TNR: variants seen among roughly 807,000 people sequenced by gnomAD.
TNR encodes tenascin R.
Under a neutral mutation model 150.4 loss-of-function variants are expected in TNR, and 45 were observed. The ratio of observed to expected loss-of-function variants is 0.30; its 90% CI spans 0.24 to 0.38. TNR has a LOEUF of 0.38. Ranked by LOEUF, TNR falls within the 10% of genes least tolerant of loss-of-function variation. The probability of loss-of-function intolerance (pLI) is 1.00; values close to 1 mark genes in which losing one functional copy is unlikely to be tolerated. For missense variants in TNR, 1,544 were observed against 1,759.1 expected, an observed-to-expected ratio of 0.88 and a Z score of 2.19; for synonymous variants, 687 against 678.4, an observed-to-expected ratio of 1.01 and a Z score of -0.20.
At chr1:175,411,606 T>C (rs1008400230) in intron 2 of TNR, among the ~76,000 whole-genome samples, 6 of 151,594 alleles carry the variant, frequency 4.0e-5, no homozygotes, top group Non-Finnish European at 7.4e-5. Flanking sequence ...GCCATTCCTC[T>C]GCTTGTAGGT....
At chr1:175,708,950 A>T in intron 1 of TNR, among the ~76,000 whole-genome samples, 1 of 152,096 alleles carries the variant, frequency 6.6e-6, no homozygotes. Flanking sequence ...AGATATAAAC[A>T]AATATCTCAT....
At chr1:175,726,596 C>T (rs1488202208) in intron 1 of TNR, among the ~76,000 whole-genome samples, 1 of 152,232 alleles carries the variant, frequency 6.6e-6, no homozygotes, top group Non-Finnish European at 1.5e-5. Context: ...GCAGAATATA[C>T]TCTGTGACTA....
At chr1:175,578,494 G>A (rs909028671) in intron 1 of TNR, among the ~76,000 whole-genome samples, 6 of 152,110 alleles carry the variant, frequency 3.9e-5, no homozygotes, top group Non-Finnish European at 8.8e-5. Context: ...ATAGCTCAGT[G>A]GATAGAATAT....
chr1:175,511,682 C>T (rs1344338804), intron 2 of TNR, among the ~76,000 whole-genome samples: 1 of 152,170 alleles, frequency 6.6e-6, no homozygotes, highest in South Asian at 2.1e-4. Flanking sequence ...AGAAGCCCTG[C>T]CTGAAAGGGA....
At chr1:175,638,043 T>C (rs557539398) in intron 1 of TNR, among the ~76,000 whole-genome samples, 2 of 152,264 alleles carry the variant, frequency 1.3e-5, no homozygotes, top group South Asian at 4.1e-4. Context: ...CATAGAAGCA[T>C]CTAGTTGCTC....
chr1:175,521,951 G>T (rs967823303), intron 2 of TNR, among the ~76,000 whole-genome samples: 21 of 152,190 alleles, frequency 1.4e-4, no homozygotes, highest in African/African-American at 5.1e-4. Context: ...TTAGCCCCTG[G>T]AGTGCAGCAA....
intron 1 of TNR, among the ~76,000 whole-genome samples, chr1:175,547,301 C>T (rs1180835422): frequency 6.6e-6 from 1 of 152,042 alleles, no homozygotes; most frequent in Non-Finnish European, 1.5e-5. Context: ...CCTGAAATCC[C>T]TTTTATGTGG....
intron 1 of TNR, among the ~76,000 whole-genome samples, chr1:175,536,114 A>G (rs1052694579): frequency 6.6e-6 from 1 of 152,268 alleles, no homozygotes; most frequent in African/African-American, 2.4e-5. Context: ...ATATATTACT[A>G]TACCACAAAT....
intron 1 of TNR, among the ~76,000 whole-genome samples, chr1:175,591,070 CT>C (rs1294127408): frequency 6.6e-6 from 1 of 152,186 alleles, no homozygotes; most frequent in Non-Finnish European, 1.5e-5. Context: ...GAAGAAATAG[CT>C]TTTAGGCTTA....
At chr1:175,498,984 A>G (rs1658609118) in intron 2 of TNR, among the ~76,000 whole-genome samples, 1 of 152,260 alleles carries the variant, frequency 6.6e-6, no homozygotes, top group Non-Finnish European at 1.5e-5. Context: ...TCATTTGGTC[A>G]TACTTAAAAA....
At chr1:175,547,593 GAA>G (rs869095720) in intron 1 of TNR, among the ~76,000 whole-genome samples, 2,332 of 26,394 alleles carry the variant, frequency 0.088, 65 homozygotes, top group African/African-American at 0.15. Flanking sequence ...AAGAAAGAAA[GAA>G]AGAAAGAAAG....
intron 1 of TNR, among the ~76,000 whole-genome samples, chr1:175,531,418 T>C (rs1660060591): frequency 6.6e-6 from 1 of 152,216 alleles, no homozygotes; most frequent in Admixed American, 6.5e-5. Context: ...ACAGCCATTC[T>C]TGAAGCTGAT....
At chr1:175,446,435 G>A (rs1315910132) in intron 2 of TNR, among the ~76,000 whole-genome samples, 1 of 152,106 alleles carries the variant, frequency 6.6e-6, no homozygotes, top group Admixed American at 6.6e-5. Context: ...TCTGAAATAA[G>A]GGTTGCCTTG....
At chr1:175,434,075 T>G (rs567044369) in intron 2 of TNR, among the ~76,000 whole-genome samples, 8 of 152,158 alleles carry the variant, frequency 5.3e-5, no homozygotes, top group Non-Finnish European at 1.0e-4. Flanking sequence ...AGTGTCTCAG[T>G]GTGTGGTCCC....
At chr1:175,421,922 G>A (rs978604160) in intron 2 of TNR, among the ~76,000 whole-genome samples, 3 of 152,204 alleles carry the variant, frequency 2.0e-5, no homozygotes. Context: ...ACTGACATGT[G>A]CATTGTCCAG....
At chr1:175,445,843 C>T (rs1656022580) in intron 2 of TNR, among the ~76,000 whole-genome samples, 1 of 152,164 alleles carries the variant, frequency 6.6e-6, no homozygotes, top group African/African-American at 2.4e-5. Context: ...TAGATGTTCC[C>T]CTTTATTGAG....
At chr1:175,641,096 G>T (rs1279379174) in intron 1 of TNR, among the ~76,000 whole-genome samples, 2 of 152,064 alleles carry the variant, frequency 1.3e-5, no homozygotes, top group African/African-American at 4.8e-5. Flanking sequence ...CTGATAAAAA[G>T]ATAAACTATA....
In TNR at chr1:175,386,195, A is replaced by G. The variant is rs1057312523; in HGVS notation, c.1614T>C (p.Tyr538=). 4.3e-6 allele frequency: 7 copies of G among 1,612,252 alleles called. No individual in the cohort carries two copies. The highest frequency in any genetic ancestry group is 1.7e-5 in the Admixed American group (1 of 59,934). Residue 538 remains tyrosine (Y), a synonymous_variant, in exon 8 of 23, where the codon TAT becomes TAC. Transcript: ENST00000367674. ...TCCCACCTTCCCCGCCCACCAGGCC[A>G]TATTTCAAAAGAATGAAATCGACTT... is the stretch of plus-strand genomic sequence containing the variant. ...RAKVDFILLK[Y]GLVGGEGGRT... is the part of the protein sequence containing the mutation.
At chr1:175,720,702 C>T (rs1012231518) in intron 1 of TNR, among the ~76,000 whole-genome samples, 1 of 152,206 alleles carries the variant, frequency 6.6e-6, no homozygotes, top group African/African-American at 2.4e-5. Flanking sequence ...CTTCCAGAGG[C>T]AACAGAGTTT....
Sources: gnomAD v4.1 joint callset for allele counts (sites outside exome capture counted in the v4.1 genomes callset) on GRCh38, gnomAD v4.1.1 for gene constraint, MANE v1.5 for transcripts, NCBI Gene and HGNC (gene_info 2026-07-23, HGNC 2026-07-21) for gene names.